Variants in CHML observed in about 807,000 individuals in gnomAD.
CHML encodes the protein rab proteins geranylgeranyltransferase component A 2.
In CHML, 20 loss-of-function variants were observed where a neutral mutation model predicts 30.4. The observed-to-expected ratio is 0.66, with a 90% CI of 0.46 to 0.95. The LOEUF is 0.95. CHML is among the 40% of genes least tolerant of loss of function. CHML has a pLI of 0.00. For synonymous variants in CHML, 281 were observed against 275.0 expected (o/e 1.02, Z -0.22); for missense variants, 795 against 768.5 (o/e 1.03, Z -0.41).
rs1664592862 is a variant in CHML at position 241,630,581 on chromosome 1, TTCC to T, written c.*3212_*3214del. 1 of 152,108 alleles carries T rather than the reference TTCC, an allele frequency of 6.6e-6. No homozygotes were observed. Among genetic ancestry groups the T allele is most frequent in the Admixed American group, 6.6e-5 (1 of 15,266 alleles). 9.4% of individuals were successfully genotyped at this position (152,108 alleles called of 1,614,324 possible). A position where few individuals can be genotyped will look rare whatever the true frequency, so the allele number is the denominator to read the frequency against. On this transcript the variant is annotated 3_prime_UTR_variant, in exon 2 of 2. Coordinates refer to ENST00000366553, the MANE Select transcript of CHML (RefSeq NM_001381853.1). ...AAATATTTATGCTACTTTCCTTATC[TTCC>T]TCATTTTGTGAATGCTGGCTTTTAT...
rs1190615257 is a variant in CHML at position 241,634,917 on chromosome 1, A to G, written c.850T>C (p.Phe284Leu). 1 of 1,611,158 alleles carries G rather than the reference A, an allele frequency of 6.2e-7. No homozygotes were observed. The highest frequency in any genetic ancestry group is 8.5e-7 in the Non-Finnish European group (1 of 1,179,158). ...ACCATGGTGAGTTCCTTGCTATTAA[A>G]GACATCTGCTCTGGAACAAGGAACT... is the stretch of plus-strand genomic sequence containing the variant. ...EQVPCSRADV[F>L]NSKELTMVEK... Residue 284 changes from phenylalanine to leucine, a missense_variant, in exon 2 of 2, where the codon TTT becomes CTT. Coordinates refer to ENST00000366553, the MANE Select transcript of CHML (RefSeq NM_001381853.1).
rs768988389 is a variant in CHML, at chr1:241,635,168, TCATCTTTATCTC to T, written c.587_598del (p.Gly196_Asp199del). 3.7e-6 allele frequency: 6 copies of T among 1,612,928 alleles called. No individual in the cohort carries two copies. The highest frequency in any genetic ancestry group is 1.3e-5 in the African/African-American group (1 of 74,928). On this transcript the variant is annotated inframe_deletion, in exon 2 of 2. Coordinates refer to ENST00000366553, the MANE Select transcript of CHML (RefSeq NM_001381853.1). ...CTTATCTTCTACTGTAGATTTGCTTTCATCTTTATCTCCATCTTTATCTGAAACTGTGTGCAT... is the reference window on the plus strand; with the variant it reads ...CTTATCTTCTACTGTAGATTTGCTTTCATCTTTATCTGAAACTGTGTGCAT...
In CHML at chr1:241,640,150, G is replaced by C; in HGVS notation, c.-576C>G. 6.5e-7 allele frequency: 1 copy of C among 1,545,986 alleles called. No individual in the cohort carries two copies. On this transcript the variant is annotated 5_prime_UTR_variant, in exon 1 of 2. Coordinates refer to ENST00000366553, the MANE Select transcript of CHML (RefSeq NM_001381853.1). ...GGCGCTCGTAGGTGCCGGGGCTGAAGAGGGGCGCGGGGCTCAGTGTCCCCG... is the reference window on the plus strand; with the variant it reads ...GGCGCTCGTAGGTGCCGGGGCTGAACAGGGGCGCGGGGCTCAGTGTCCCCG...
rs1664782451 is a variant in CHML at position 241,634,341 on chromosome 1, TG to T, written c.1425del (p.Ile476PhefsTer2). ...GGCTCTGCTGGAGGAACTATCAGAATGGAAGTCTGCTGATCTAAATCTGTCT... is the reference window on the plus strand; with the variant it reads ...GGCTCTGCTGGAGGAACTATCAGAATGAAGTCTGCTGATCTAAATCTGTCT... ...ILKTDLDQQT[S>X]ILIVPPAEPG... On this transcript the variant is annotated frameshift_variant, in exon 2 of 2. Coordinates refer to ENST00000366553, the MANE Select transcript of CHML (RefSeq NM_001381853.1). LOFTEE classifies it high-confidence loss of function. 1 of 1,614,046 alleles carries T rather than the reference TG, an allele frequency of 6.2e-7. No homozygotes were observed. The highest frequency in any genetic ancestry group is 8.5e-7 in the Non-Finnish European group (1 of 1,179,922).
intron 1 of CHML, among the ~76,000 whole-genome samples, chr1:241,637,744 T>C (rs984832612): frequency 6.6e-6 from 1 of 152,148 alleles, no homozygotes; most frequent in African/African-American, 2.4e-5. Context: ...AGAGAACTGA[T>C]AGCTGGAGAG....
rs1218279628 is a variant in CHML at position 241,630,168 on chromosome 1, T to G, written c.*3628A>C. On this transcript the variant is annotated 3_prime_UTR_variant, in exon 2 of 2. Transcript: ENST00000366553. ...TAGATGGTGAAATAGATACTAGGAG[T>G]GACTTTCCCAAGAGTATACAACTGG... The G allele has an allele frequency of 6.6e-6, 1 of 151,960 alleles. No homozygotes were observed. The highest frequency in any genetic ancestry group is 2.4e-5 in the African/African-American group (1 of 41,392). The allele number at this position is 151,960 out of a possible 1,614,324, so 9.4% of individuals were successfully genotyped here. A position where few individuals can be genotyped will look rare whatever the true frequency, so the allele number is the denominator to read the frequency against.
intron 1 of CHML, 139 bp downstream of exon 1, chr1:241,639,743 G>C (rs1665040631): frequency 2.3e-6 from 2 of 856,192 alleles, no homozygotes; most frequent in South Asian, 4.4e-5. Flanking sequence ...AGCGGGGAGC[G>C]GGGCGGTGTA....
rs1664783080 is a variant in CHML at position 241,634,353 on chromosome 1, G to C, written c.1414C>G (p.Gln472Glu). The C allele has an allele frequency of 1.2e-6, 2 of 1,613,840 alleles. No individual in the cohort carries two copies. The highest frequency in any genetic ancestry group is 8.5e-7 in the Non-Finnish European group (1 of 1,179,906). The change falls in exon 2 of 2, where the codon CAG (glutamine) becomes GAG (glutamate). Residue 472 changes from glutamine (Q) to glutamate (E), a missense_variant. Gln to Glu is a conservative substitution (Grantham distance 29). Transcript: ENST00000366553. The stretch of plus-strand genomic sequence containing the variant: ...GGAACTATCAGAATGGAAGTCTGCT[G>C]ATCTAAATCTGTCTTTAGTATAGAC... ...DQSILKTDLD[Q>E]QTSILIVPPA...
Position 241,635,727 on chromosome 1 carries a change from T to C in CHML, c.40A>G (p.Ile14Val), listed in dbSNP as rs148500723. The change falls in exon 2 of 2, where the codon ATA becomes GTA. Residue 14 changes from isoleucine to valine, a missense_variant. By Grantham distance (29) the Ile-to-Val change is conservative. Transcript: ENST00000366553. ...NLPTEFDVVI[I>V]GTGLPESILA... ...ATGGATTCGGGCAAACCTGTCCCTA[T>C]TATAACCACATCAAACTCTGTGGGA... 699 of 1,613,558 alleles carry C rather than the reference T, an allele frequency of 4.3e-4. No homozygotes were observed. The highest frequency in any genetic ancestry group is 5.6e-4 in the Non-Finnish European group (666 of 1,179,740).
intron 1 of CHML, among the ~76,000 whole-genome samples, chr1:241,639,558 G>T (rs904604081): frequency 5.9e-5 from 9 of 151,866 alleles, no homozygotes; most frequent in Non-Finnish European, 1.3e-4. Context: ...GCCTTGTTGA[G>T]TGATCTTAGG....
At position 241,632,453 on chromosome 1, in the gene CHML, T is replaced by G. The variant is rs563084105; in HGVS notation, c.*1343A>C. On this transcript the variant is annotated 3_prime_UTR_variant, in exon 2 of 2. Coordinates refer to ENST00000366553, the MANE Select transcript of CHML (RefSeq NM_001381853.1). ...GGTACCAAACACATGATAAATACTATTTCAGAGCAAAAACTGTCACAGGGA... is the reference window on the plus strand; with the variant it reads ...GGTACCAAACACATGATAAATACTAGTTCAGAGCAAAAACTGTCACAGGGA... 1 of 152,210 alleles carries G rather than the reference T, an allele frequency of 6.6e-6. No homozygotes were observed. Among genetic ancestry groups the G allele is most frequent in the African/African-American group, 2.4e-5 (1 of 41,530 alleles). 9.4% of individuals were successfully genotyped at this position (152,210 alleles called of 1,614,324 possible).
chr1:241,633,662 G>T lies in CHML; in HGVS notation c.*134C>A. On this transcript the variant is annotated 3_prime_UTR_variant, in exon 2 of 2. Transcript: ENST00000366553. ...GATATTCAATGCTGAATGTCTGAGA[G>T]TTAAAGACAACATCTGCATAGCATT... 1.1e-6 allele frequency: 1 copy of T among 891,584 alleles called. No homozygotes were observed. The allele number at this position is 891,584 out of a possible 1,614,324, so 55.2% of individuals were successfully genotyped here.
chr1:241,634,703 T>C lies in CHML; in HGVS notation c.1064A>G (p.Asp355Gly). The change falls in exon 2 of 2, where the codon GAT becomes GGT. Residue 355 changes from aspartate to glycine, a missense_variant. Asp to Gly is a moderately conservative substitution (Grantham distance 94). Coordinates refer to ENST00000366553, the MANE Select transcript of CHML (RefSeq NM_001381853.1). ...GAAGTTTTTAGTTGCGTTAAGACCATCTATTGTAGTGCAAGATGATTCTGA... is the reference window on the plus strand; with the variant it reads ...GAAGTTTTTAGTTGCGTTAAGACCACCTATTGTAGTGCAAGATGATTCTGA... ...MTSESSCTTIDGLNATKNFLQ... is the reference protein window; with the variant it reads ...MTSESSCTTIGGLNATKNFLQ... The C allele has an allele frequency of 6.2e-7, 1 of 1,613,994 alleles. No homozygotes were observed. Among genetic ancestry groups the C allele is most frequent in the South Asian group, 1.1e-5 (1 of 91,070 alleles).
At position 241,634,194 on chromosome 1, in the gene CHML, CTG is replaced by C; in HGVS notation, c.1571_1572del (p.Ser524CysfsTer11). 1.9e-6 allele frequency: 3 copies of C among 1,613,974 alleles called. No homozygotes were observed. In the Admixed American group the frequency reaches 5.0e-5, roughly 27 times the overall value. On this transcript the variant is annotated frameshift_variant, in exon 2 of 2. Coordinates refer to ENST00000366553, the MANE Select transcript of CHML (RefSeq NM_001381853.1). LOFTEE classifies it high-confidence loss of function. The part of the protein sequence containing the change: ...SSKTAREDLE[S>X]VVKKLFTPYT... ...TACGGAGTGAATAATTTCTTCACCACTGATTCTAAGTCTTCTCTTGCTGTTTT... is the reference window on the plus strand; with the variant it reads ...TACGGAGTGAATAATTTCTTCACCACATTCTAAGTCTTCTCTTGCTGTTTT...
At position 241,631,933 on chromosome 1, in the gene CHML, G is replaced by A. The variant is rs1031977852; in HGVS notation, c.*1863C>T. ...AAGGTTTTAGAATCACAAAAGGCTG[G>A]GTCCCCATGTTGGCTCTTCCACATA... On this transcript the variant is annotated 3_prime_UTR_variant, in exon 2 of 2. Coordinates refer to ENST00000366553, the MANE Select transcript of CHML (RefSeq NM_001381853.1). 2.0e-5 allele frequency: 3 copies of A among 152,032 alleles called. No individual in the cohort carries two copies. Among genetic ancestry groups the A allele is most frequent in the Non-Finnish European group, 2.9e-5 (2 of 68,000 alleles). 9.4% of individuals were successfully genotyped at this position (152,032 alleles called of 1,614,324 possible). A position where few individuals can be genotyped will look rare whatever the true frequency, so the allele number is the denominator to read the frequency against.
At chr1:241,639,578 CAAAT>C (rs1665031190) in intron 1 of CHML, among the ~76,000 whole-genome samples, 1 of 151,014 alleles carries the variant, frequency 6.6e-6, no homozygotes, top group Admixed American at 6.6e-5. Flanking sequence ...GAGGTAAAAA[CAAAT>C]AAGAAAGGAG....
Position 241,634,158 on chromosome 1 carries a change from C to G in CHML, c.1609G>C (p.Glu537Gln). The G allele has an allele frequency of 6.2e-7, 1 of 1,613,642 alleles. No homozygotes were observed. The highest frequency in any genetic ancestry group is 8.5e-7 in the Non-Finnish European group (1 of 1,179,822). The change falls in exon 2 of 2, where the codon GAA (glutamate) becomes CAA (glutamine). Residue 537 changes from glutamate (E) to glutamine (Q), a missense_variant. Physicochemically the swap from Glu to Gln is conservative, Grantham distance 29. Coordinates refer to ENST00000366553, the MANE Select transcript of CHML (RefSeq NM_001381853.1). Reference sequence around the variant, plus strand: ...TTTGTAAGTTCTTCCTCGTTTATTTCTGTTTCAGTATACGGAGTGAATAAT... The same window carrying G: ...TTTGTAAGTTCTTCCTCGTTTATTTGTGTTTCAGTATACGGAGTGAATAAT... ...KKLFTPYTET[E>Q]INEEELTKPR...
chr1:241,631,894 T>C lies in CHML; in HGVS notation c.*1902A>G, dbSNP rs1041321718. 1 of 152,104 alleles carries C rather than the reference T, an allele frequency of 6.6e-6. No individual in the cohort carries two copies. Among genetic ancestry groups the C allele is most frequent in the Non-Finnish European group, 1.5e-5 (1 of 68,000 alleles). 9.4% of individuals were successfully genotyped at this position (152,104 alleles called of 1,614,324 possible). ...GCCTACACTCTCTAACAGTGAATGT[T>C]AGTAGAAAGATCAAAGGTTTTAGAA... On this transcript the variant is annotated 3_prime_UTR_variant, in exon 2 of 2. Transcript: ENST00000366553.
intron 1 of CHML, among the ~76,000 whole-genome samples, chr1:241,636,745 GTGT>G (rs1476235275): frequency 2.0e-5 from 3 of 151,410 alleles, no homozygotes; most frequent in Non-Finnish European, 4.4e-5. Flanking sequence ...GGAAAAAAGT[GTGT>G]AAGTGTAAGT....
Sources: gnomAD v4.1 joint callset for allele counts (sites outside exome capture counted in the v4.1 genomes callset) on GRCh38, gnomAD v4.1.1 for gene constraint, MANE v1.5 for transcripts, NCBI Gene and HGNC (gene_info 2026-07-23, HGNC 2026-07-21) for gene names.